CFAP299: variants seen among roughly 807,000 people sequenced by gnomAD.
CFAP299 encodes cilia- and flagella-associated protein 299.
Under a neutral mutation model 27.0 loss-of-function variants are expected in CFAP299, and 21 were observed. The observed-to-expected ratio is 0.78, with a 90% CI of 0.55 to 1.12. The LOEUF (loss-of-function observed/expected upper bound fraction) is 1.12, where lower values mean the gene tolerates loss of function less well. CFAP299 is among the 50% of genes most tolerant of loss of function. The probability of loss-of-function intolerance (pLI) is 0.00; values close to 1 mark genes in which losing one functional copy is unlikely to be tolerated. For missense variants in CFAP299, 310 were observed against 276.6 expected, an observed-to-expected ratio of 1.12 and a Z score of -0.86; for synonymous variants, 104 against 98.1, an observed-to-expected ratio of 1.06 and a Z score of -0.36.
chr4:80,344,470 G>T (rs1331020921), intron 1 of CFAP299, among the ~76,000 whole-genome samples: 2 of 151,940 alleles, frequency 1.3e-5, no homozygotes, highest in Non-Finnish European at 2.9e-5. Flanking sequence ...TCCCTGAGTA[G>T]AACAATAACA....
chr4:80,388,536 G>A, intron 2 of CFAP299: 7 of 1,452,984 alleles, frequency 4.8e-6, no homozygotes, highest in Non-Finnish European at 6.7e-6. Flanking sequence ...GAGTTGAATT[G>A]CTTCTTACAC....
At chr4:80,426,877 A>G (rs1175500215) in intron 2 of CFAP299, among the ~76,000 whole-genome samples, 2 of 152,206 alleles carry the variant, frequency 1.3e-5, no homozygotes, top group East Asian at 3.8e-4. Flanking sequence ...ATTCAAAGAA[A>G]AAACTTTTTG....
chr4:80,569,254 G>T (rs895804701), intron 2 of CFAP299, among the ~76,000 whole-genome samples: 2 of 152,042 alleles, frequency 1.3e-5, no homozygotes, highest in Non-Finnish European at 2.9e-5. Context: ...GTGAATTTTG[G>T]ATGTGAACAG....
chr4:80,605,307 T>G (rs1426224016), intron 3 of CFAP299, among the ~76,000 whole-genome samples: 1 of 152,226 alleles, frequency 6.6e-6, no homozygotes, highest in Admixed American at 6.5e-5. Flanking sequence ...TATCTATGAC[T>G]TTATTTTCCA....
intron 3 of CFAP299, among the ~76,000 whole-genome samples, chr4:80,591,104 AATTTTTTTTTTTTTTTTTT>A (rs1332717520): frequency 4.3e-5 from 5 of 116,498 alleles, no homozygotes; most frequent in African/African-American, 1.6e-4. Context: ...TACTTTAGGA[AATTTTTTTTTTTTTTTTTT>A]TTTTTTTTAT....
intron 3 of CFAP299, among the ~76,000 whole-genome samples, chr4:80,672,996 T>C (rs1324863902): frequency 3.3e-5 from 5 of 152,044 alleles, no homozygotes; most frequent in Admixed American, 6.5e-5. Flanking sequence ...GGTTTTTTTG[T>C]GTCTCTATCT....
chr4:80,323,512 T>C, the CFAP299 span, among the ~76,000 whole-genome samples: 1 of 152,206 alleles, frequency 6.6e-6, no homozygotes, highest in Non-Finnish European at 1.5e-5. Flanking sequence ...TACTTTTTTC[T>C]TCATCAAATC....
chr4:80,325,216 A>C, the CFAP299 span, among the ~76,000 whole-genome samples: 1 of 152,228 alleles, frequency 6.6e-6, no homozygotes, highest in South Asian at 2.1e-4. Flanking sequence ...CACACAGTAC[A>C]TATTTGTGTT....
intron 3 of CFAP299, among the ~76,000 whole-genome samples, chr4:80,622,010 A>G (rs1738629136): frequency 6.6e-6 from 1 of 152,112 alleles, no homozygotes; most frequent in Non-Finnish European, 1.5e-5. Flanking sequence ...CTGACAGAGA[A>G]GGCACTTAAG....
intron 4 of CFAP299, among the ~76,000 whole-genome samples, chr4:80,897,452 G>T: frequency 6.6e-6 from 1 of 152,292 alleles, no homozygotes; most frequent in East Asian, 1.9e-4. Context: ...AACAGAGTCT[G>T]TTGAAGCTGG....
chr4:80,537,294 A>G (rs1203137925), intron 2 of CFAP299, among the ~76,000 whole-genome samples: 2 of 152,136 alleles, frequency 1.3e-5, no homozygotes, highest in Non-Finnish European at 2.9e-5. Context: ...CCTCAAAAAA[A>G]TTAAAGATAG....
intron 2 of CFAP299, among the ~76,000 whole-genome samples, chr4:80,564,462 T>C (rs1315836376): frequency 6.6e-6 from 1 of 152,036 alleles, no homozygotes; most frequent in Non-Finnish European, 1.5e-5. Flanking sequence ...TGAAAGAGTA[T>C]TTGATATAAT....
chr4:80,608,213 G>T, intron 3 of CFAP299: 1 of 597,758 alleles, frequency 1.7e-6, no homozygotes, highest in Non-Finnish European at 2.9e-6. Flanking sequence ...TAAGTAATTA[G>T]GAAATAGATA....
At chr4:80,810,042 CA>C (rs1169524972) in intron 3 of CFAP299, among the ~76,000 whole-genome samples, 1 of 151,978 alleles carries the variant, frequency 6.6e-6, no homozygotes, top group African/African-American at 2.4e-5. Context: ...ACACTTATAA[CA>C]GTGCCTGGAA....
Position 80,799,893 on chromosome 4 carries a change from AT to A in CFAP299, c.334-70098del, listed in dbSNP as rs1416787556. Among the ~76,000 whole-genome samples, 103 of 40,544 alleles carry A rather than the reference AT, an allele frequency of 2.5e-3. 2 individuals are homozygous for A. The highest frequency in any genetic ancestry group is 0.011 in the African/African-American group (100 of 8,756). The allele number at this position is 40,544 out of a possible 152,430, so 26.6% of individuals were successfully genotyped here. A position where few individuals can be genotyped will look rare whatever the true frequency, so the allele number is the denominator to read the frequency against. On this transcript the variant is annotated intron_variant, in intron 3 of 5. Transcript: ENST00000358105. Reference sequence around the variant, plus strand: ...ATATATTATATTATATAATATATAAATTATATATTATAATATAATATATAAT... The same window carrying A: ...ATATATTATATTATATAATATATAAATATATATTATAATATAATATATAAT...
chr4:80,776,834 A>T (rs537224137), intron 3 of CFAP299, among the ~76,000 whole-genome samples: 142 of 152,112 alleles, frequency 9.3e-4, no homozygotes, highest in African/African-American at 3.3e-3. Flanking sequence ...GAACAATCAG[A>T]TAAAATGTTA....
At chr4:80,386,457 T>A in intron 2 of CFAP299, 1 of 1,538,726 alleles carries the variant, frequency 6.5e-7, no homozygotes, top group South Asian at 1.2e-5. Flanking sequence ...GGTCACCACC[T>A]TGCGCCCACC....
At chr4:80,419,008 C>G (rs533197766) in intron 2 of CFAP299, among the ~76,000 whole-genome samples, 4 of 152,138 alleles carry the variant, frequency 2.6e-5, no homozygotes, top group South Asian at 2.1e-4. Context: ...TTGGTGTATA[C>G]CTGTTACCAG....
intron 3 of CFAP299, among the ~76,000 whole-genome samples, chr4:80,828,915 C>T (rs764858199): frequency 6.6e-6 from 1 of 151,940 alleles, no homozygotes; most frequent in South Asian, 2.1e-4. Context: ...TCTTAACTAA[C>T]ATCACATAAA....
Sources: gnomAD v4.1 joint callset for allele counts (sites outside exome capture counted in the v4.1 genomes callset) on GRCh38, gnomAD v4.1.1 for gene constraint, MANE v1.5 for transcripts, NCBI Gene and HGNC (gene_info 2026-07-23, HGNC 2026-07-21) for gene names.